Variants in ATG7 observed in about 807,000 individuals in gnomAD.
The protein encoded by ATG7 is autophagy related 7.
In ATG7, 70 loss-of-function variants were observed where a neutral mutation model predicts 82.4. That is an observed-to-expected ratio of 0.85 (90% confidence interval 0.70 to 1.04). ATG7 has a LOEUF of 1.04. ATG7 is among the 50% of genes least tolerant of loss of function. ATG7 has a pLI of 0.00. For missense variants in ATG7, 792 were observed against 864.3 expected (o/e 0.92, Z 1.05); for synonymous variants, 287 against 313.0 (o/e 0.92, Z 0.88).
chr3:11,561,916 T>TAAAAAAAAAAAAAAAAAAAA (rs1553719589), downstream of ATG7, among the ~76,000 whole-genome samples: 2 of 148,272 alleles, frequency 1.3e-5, no homozygotes, highest in African/African-American at 5.0e-5. Flanking sequence ...TTTTTTTTTT[T>TAAAAAAAAAAAAAAAAAAAA]AAAGACAAAG....
At position 11,429,629 on chromosome 3, in the gene ATG7, C is replaced by G. The variant is rs1212966940; in HGVS notation, c.2079+2703C>G. 2.6e-5 allele frequency among the ~76,000 whole-genome samples: 4 copies of G among 151,550 alleles called. No homozygotes were observed. The East Asian group carries it at 7.8e-4, about 30-fold the overall frequency. ...AGAAGCAAAGTTTATAGATAATGCA[C>G]TTGATATAAAATTTAAAGGTATTAC... On this transcript the variant is annotated intron_variant, in intron 20 of 20. Coordinates refer to ENST00000693202, the MANE Select transcript of ATG7 (RefSeq NM_001349232.2).
intron 18 of ATG7, among the ~76,000 whole-genome samples, chr3:11,374,762 G>A (rs1276264801): frequency 1.3e-5 from 2 of 151,996 alleles, no homozygotes; most frequent in African/African-American, 2.4e-5. Context: ...AAATTAGCCA[G>A]GCGTGGTGGC....
rs1575255435 is a variant in ATG7, at chr3:11,298,842, T to G, written c.147T>G (p.Gly49=). ...ATGAAGCTCCCAAGGACATTAAGGG[T>G]TATTACTACAATGGTAGGTGATTGT... is the stretch of plus-strand genomic sequence containing the variant. ...RLDEAPKDIK[G]YYYNGDSAGL... Residue 49 remains glycine, a synonymous_variant, in exon 4 of 21, where the codon GGT becomes GGG. Transcript: ENST00000693202. 1 of 1,613,976 alleles carries G rather than the reference T, an allele frequency of 6.2e-7. No individual in the cohort carries two copies. Among genetic ancestry groups the G allele is most frequent in the Non-Finnish European group, 8.5e-7 (1 of 1,179,914 alleles).
chr3:11,543,877 A>G (rs2071043995), intron 20 of ATG7, among the ~76,000 whole-genome samples: 1 of 151,780 alleles, frequency 6.6e-6, no homozygotes, highest in South Asian at 2.1e-4. Context: ...CTGCTGAAGG[A>G]TGGTGACAGG....
chr3:11,334,925 G>C (rs1366805133), intron 11 of ATG7, among the ~76,000 whole-genome samples: 1 of 138,056 alleles, frequency 7.2e-6, no homozygotes, highest in Non-Finnish European at 1.5e-5. Flanking sequence ...CTGCACTCCA[G>C]CCTGGGTGAC....
intron 19 of ATG7, among the ~76,000 whole-genome samples, chr3:11,423,470 AT>A (rs200182038): frequency 6.6e-5 from 10 of 151,888 alleles, no homozygotes; most frequent in African/African-American, 2.2e-4. Flanking sequence ...ACAACTTTCA[AT>A]TTTTTTTTCT....
intron 20 of ATG7, among the ~76,000 whole-genome samples, chr3:11,512,175 G>T (rs1044219844): frequency 6.6e-6 from 1 of 152,168 alleles, no homozygotes; most frequent in African/African-American, 2.4e-5. Flanking sequence ...CACCCACCCA[G>T]TGACCTTGAG....
intron 19 of ATG7, among the ~76,000 whole-genome samples, chr3:11,382,912 C>T (rs567952568): frequency 1.3e-5 from 2 of 152,286 alleles, no homozygotes; most frequent in African/African-American, 2.4e-5. Flanking sequence ...TATTTGCTGT[C>T]GTCCTCCAAT....
At chr3:11,381,170 T>C (rs562023432) in intron 19 of ATG7, among the ~76,000 whole-genome samples, 1 of 152,362 alleles carries the variant, frequency 6.6e-6, no homozygotes, top group African/African-American at 2.4e-5. Flanking sequence ...TAGTTACCCA[T>C]GAGCCCATTC....
chr3:11,277,906 C>A (rs956719034), intron 1 of ATG7, among the ~76,000 whole-genome samples: 1 of 135,776 alleles, frequency 7.4e-6, no homozygotes, highest in Non-Finnish European at 1.6e-5. Context: ...CCCCCCCCCA[C>A]CAGGAATGCA....
intron 20 of ATG7, among the ~76,000 whole-genome samples, chr3:11,485,659 G>A (rs1411000027): frequency 1.3e-5 from 2 of 152,136 alleles, no homozygotes; most frequent in African/African-American, 4.8e-5. Flanking sequence ...TTCTTCTAGG[G>A]TTTTTATGGT....
chr3:11,573,261 A>G, the ATG7 span, among the ~76,000 whole-genome samples: 61 of 9,600 alleles, frequency 6.4e-3, no homozygotes, highest in African/African-American at 0.054. Flanking sequence ...GAAAGAAAGA[A>G]AGAAAGAAAG....
At chr3:11,494,855 C>G (rs535958406) in intron 20 of ATG7, among the ~76,000 whole-genome samples, 1 of 152,222 alleles carries the variant, frequency 6.6e-6, no homozygotes, top group South Asian at 2.1e-4. Context: ...GAGTGGATCA[C>G]GAGGTCAGGA....
At chr3:11,502,773 C>G (rs1476133031) in intron 20 of ATG7, among the ~76,000 whole-genome samples, 1 of 152,046 alleles carries the variant, frequency 6.6e-6, no homozygotes, top group Non-Finnish European at 1.5e-5. Flanking sequence ...ATAGATGCAT[C>G]TGAAAGTGTG....
At chr3:11,426,152 C>G (rs2082346434) in intron 19 of ATG7, among the ~76,000 whole-genome samples, 1 of 152,150 alleles carries the variant, frequency 6.6e-6, no homozygotes, top group African/African-American at 2.4e-5. Flanking sequence ...AGAATTGCTG[C>G]ATCATAGGGC....
chr3:11,462,959 C>T (rs2086479906), intron 20 of ATG7, among the ~76,000 whole-genome samples: 1 of 151,646 alleles, frequency 6.6e-6, no homozygotes, highest in Non-Finnish European at 1.5e-5. Flanking sequence ...GATCTCTGCT[C>T]ACTGCAACCT....
chr3:11,387,282 C>T (rs778776136), intron 19 of ATG7, among the ~76,000 whole-genome samples: 4 of 152,220 alleles, frequency 2.6e-5, no homozygotes, highest in Non-Finnish European at 5.9e-5. Flanking sequence ...ACAATGACAG[C>T]CAAAACCTTT....
intron 11 of ATG7, among the ~76,000 whole-genome samples, chr3:11,337,128 A>G (rs1341668469): frequency 2.6e-5 from 4 of 152,082 alleles, no homozygotes; most frequent in African/African-American, 7.2e-5. Flanking sequence ...CTGCTTGCCC[A>G]CTATGGGAGA....
intron 14 of ATG7, among the ~76,000 whole-genome samples, chr3:11,350,106 C>G (rs1171609631): frequency 6.6e-6 from 1 of 152,180 alleles, no homozygotes; most frequent in Non-Finnish European, 1.5e-5. Context: ...CAAAGTTTCT[C>G]TCTTTAGTCA....
Sources: allele counts gnomAD v4.1 joint callset (sites outside exome capture counted in the v4.1 genomes callset), GRCh38; gene constraint gnomAD v4.1.1; transcripts MANE v1.5; gene names NCBI Gene and HGNC (gene_info 2026-07-23, HGNC 2026-07-21).